Variants in PRSS23 observed in about 807,000 individuals in gnomAD.
The protein encoded by PRSS23 is serine protease 23, also known as protease, serine 23.
In PRSS23, 25 loss-of-function variants were observed where a neutral mutation model predicts 34.7. That is an observed-to-expected ratio of 0.72 (90% CI 0.53 to 1.01). The LOEUF (loss-of-function observed/expected upper bound fraction) is 1.01, where lower values mean the gene tolerates loss of function less well. PRSS23 is among the 50% of genes least tolerant of loss of function. PRSS23 has a pLI of 0.00. For synonymous variants in PRSS23, 176 were observed against 186.6 expected (o/e 0.94, Z 0.46); for missense variants, 445 against 475.6 (o/e 0.94, Z 0.60).
At chr11:86,878,233 C>CCTCCCCCTCCCTCATCTCCGT (rs1948738952) in intron 2 of PRSS23, among the ~76,000 whole-genome samples, 1 of 84,798 alleles carries the variant, frequency 1.2e-5, no homozygotes, top group South Asian at 4.7e-4. Context: ...TACCCCTCCC[C>CCTCCCCCTCCCTCATCTCCGT]CTCCCTCTCC....
downstream of PRSS23, among the ~76,000 whole-genome samples, chr11:86,815,400 C>T (rs558008910): frequency 6.6e-6 from 1 of 152,312 alleles, no homozygotes; most frequent in Non-Finnish European, 1.5e-5. Context: ...ACAATTAGAA[C>T]AGTGCCTGGC....
At chr11:86,834,541 CTTTCCTTTCCTT>C (rs1948388153) in intron 2 of PRSS23, among the ~76,000 whole-genome samples, 2 of 129,166 alleles carry the variant, frequency 1.5e-5, no homozygotes, top group African/African-American at 3.0e-5. Flanking sequence ...CTTTCCTTTC[CTTTCCTTTCCTT>C]TTTCCTTTCC....
chr11:86,851,404 G>C (rs1258008605), intron 2 of PRSS23, among the ~76,000 whole-genome samples: 2 of 152,156 alleles, frequency 1.3e-5, no homozygotes, highest in African/African-American at 4.8e-5. Flanking sequence ...TTCTATACTT[G>C]ACATAGTGAA....
At chr11:86,917,306 G>A (rs1295253269) in intron 2 of PRSS23, among the ~76,000 whole-genome samples, 1 of 152,226 alleles carries the variant, frequency 6.6e-6, no homozygotes, top group African/African-American at 2.4e-5. Context: ...GCGACAGAGT[G>A]AGACTCCGTC....
rs572895116 is a variant in PRSS23 at position 86,828,691 on chromosome 11, TG to T, written c.206+5100del. Among the ~76,000 whole-genome samples the T allele has an allele frequency of 2.1e-3, 314 of 152,300 alleles. 11 individuals carry two copies. Among genetic ancestry groups the T allele is most frequent in the Admixed American group, 0.018 (279 of 15,308 alleles). On this transcript the variant is annotated intron_variant, in intron 2 of 2. Coordinates refer to the PRSS23 transcript ENST00000533902. ...AGGAGCTCTTTTAGGGCAGGCTTGG[TG>T]GTGACAGAATCTCTCGGCATTTGCT...
intron 1 of PRSS23, among the ~76,000 whole-genome samples, chr11:86,817,547 C>T (rs1158512615): frequency 6.6e-6 from 1 of 152,190 alleles, no homozygotes; most frequent in Admixed American, 6.5e-5. Flanking sequence ...GTCTGGTGGA[C>T]CTGAACACCA....
intron 2 of PRSS23, among the ~76,000 whole-genome samples, chr11:86,867,095 G>C (rs774436932): frequency 3.9e-5 from 6 of 152,194 alleles, no homozygotes; most frequent in African/African-American, 7.2e-5. Context: ...TACAGAACCA[G>C]GGTATCTAAT....
intron 2 of PRSS23, among the ~76,000 whole-genome samples, chr11:86,913,274 C>CAAAA (rs201233084): frequency 0.094 from 5,679 of 60,696 alleles, 152 homozygotes; most frequent in Middle Eastern, 0.18. Context: ...TGCCCTCAGG[C>CAAAA]AAAAAAAAAA....
intron 1 of PRSS23, among the ~76,000 whole-genome samples, chr11:86,792,435 C>T (rs1947957453): frequency 6.6e-6 from 1 of 152,166 alleles, no homozygotes; most frequent in Non-Finnish European, 1.5e-5. Context: ...GCCTCTCTGG[C>T]TTGTTTGTTC....
intron 2 of PRSS23, among the ~76,000 whole-genome samples, chr11:86,845,212 C>T (rs1487522979): frequency 1.3e-5 from 2 of 152,052 alleles, no homozygotes; most frequent in African/African-American, 4.8e-5. Flanking sequence ...CTCCTGTGTG[C>T]CACGCAAAAT....
chr11:86,800,316 G>C (rs541019192), upstream of PRSS23: 1 of 397,274 alleles, frequency 2.5e-6, no homozygotes, highest in Non-Finnish European at 3.4e-6. Context: ...GACTGCTGCC[G>C]CGCCACCGGG....
At position 86,903,942 on chromosome 11, in the gene PRSS23, G is replaced by A. The variant is rs187239896; in HGVS notation, c.207-47274G>A. ...TGGTGTATGACCTGGCATAGGCAGG[G>A]TAAGCAATAATTTAGAATGTGCTGA... On this transcript the variant is annotated intron_variant, in intron 2 of 2. Coordinates refer to the PRSS23 transcript ENST00000533902. Among the ~76,000 whole-genome samples, 4 of 151,182 alleles carry A rather than the reference G, an allele frequency of 2.6e-5. No homozygotes were observed. In the East Asian group the frequency reaches 5.8e-4, roughly 22 times the overall value.
upstream of PRSS23, chr11:86,800,310 G>A (rs1350332556): frequency 5.8e-6 from 2 of 346,656 alleles, no homozygotes; most frequent in Non-Finnish European, 8.1e-6. Context: ...ACTGGCGACT[G>A]CTGCCGCGCC....
intron 2 of PRSS23, among the ~76,000 whole-genome samples, chr11:86,844,725 C>A (rs1328303392): frequency 6.6e-6 from 1 of 152,100 alleles, no homozygotes; most frequent in East Asian, 1.9e-4. Context: ...TAGAAACAAA[C>A]AAGTGTTGTT....
At chr11:86,820,459 A>G (rs1948244106) in intron 1 of PRSS23, among the ~76,000 whole-genome samples, 1 of 152,196 alleles carries the variant, frequency 6.6e-6, no homozygotes, top group Non-Finnish European at 1.5e-5. Context: ...TCCAGTGGGA[A>G]CATCATTTAT....
At chr11:86,892,762 C>T (rs1236456044) in intron 2 of PRSS23, among the ~76,000 whole-genome samples, 5 of 151,926 alleles carry the variant, frequency 3.3e-5, no homozygotes, top group Admixed American at 2.0e-4. Context: ...GGAAATGTAG[C>T]CAGCTTTGTT....
At chr11:86,920,860 C>T (rs1280865794) in intron 2 of PRSS23, among the ~76,000 whole-genome samples, 1 of 152,208 alleles carries the variant, frequency 6.6e-6, no homozygotes, top group Non-Finnish European at 1.5e-5. Flanking sequence ...AAACAAATGT[C>T]AGCATGATAC....
intron 1 of PRSS23, 69 bp from the exon 2 acceptor site, chr11:86,807,562 G>C (rs1948115819): frequency 7.3e-7 from 1 of 1,374,666 alleles, no homozygotes; most frequent in African/African-American, 1.5e-5. Context: ...CTGCTGCTGA[G>C]CTTTGCTGTC....
chr11:86,930,004 A>G (rs1324853587), intron 2 of PRSS23, among the ~76,000 whole-genome samples: 2 of 152,078 alleles, frequency 1.3e-5, no homozygotes, highest in East Asian at 3.8e-4. Context: ...TATAACACTA[A>G]TAGTATTCAT....
Sources: gnomAD v4.1 joint callset for allele counts (sites outside exome capture counted in the v4.1 genomes callset) on GRCh38, gnomAD v4.1.1 for gene constraint, MANE v1.5 for transcripts, NCBI Gene and HGNC (gene_info 2026-07-23, HGNC 2026-07-21) for gene names.